The following ICAM5 variants were observed in gnomAD, a reference collection of about 807,000 sequenced individuals.
ICAM5 encodes ICAM-5.
A neutral mutation model predicts 78.8 loss-of-function variants in ICAM5; 38 were observed. The observed-to-expected ratio is 0.48, with a 90% CI of 0.37 to 0.63. The LOEUF is 0.63. Among genes scored for constraint, ICAM5 ranks in the 30% least tolerant of loss-of-function variants. The pLI, the probability that ICAM5 is intolerant of heterozygous loss-of-function variation, is 0.00. For synonymous variants in ICAM5, 544 were observed against 590.9 expected (o/e 0.92, Z 1.15); for missense variants, 1,059 against 1,303.0 (o/e 0.81, Z 2.88).
chr19:10,293,590 G>C lies in ICAM5; in HGVS notation c.1466-108G>C, dbSNP rs1010870731. 1.4e-5 allele frequency: 20 copies of C among 1,448,842 alleles called. No homozygotes were observed. Among genetic ancestry groups the C allele is most frequent in the Non-Finnish European group, 1.8e-5 (19 of 1,068,540 alleles). The allele number at this position is 1,448,842 out of a possible 1,614,324, so 89.7% of individuals were successfully genotyped here. The stretch of plus-strand genomic sequence containing the variant: ...ACACCTCCTTGGATCGGCGTCCAAG[G>C]GTTATGCAGGGACAACACTTCGTGG... On this transcript the variant is annotated intron_variant, in intron 6 of 10. Transcript: ENST00000221980. The surrounding 1 kb of genome is among the most constrained non-coding windows in gnomAD (Gnocchi z 5.0).
Position 10,294,468 on chromosome 19 carries a change from C to A in ICAM5, c.2058C>A (p.Ser686=), listed in dbSNP as rs758505262. ...CGTGGCTGGAAGGGGCTGAGGCTTC[C>A]GCGCTGGCCTGCGCCGCCCGGGGTC... ...HQTWLEGAEA[S]ALACAARGRP... is the part of the protein sequence containing the mutation. Residue 686 remains serine, a synonymous_variant, in exon 9 of 11, where the codon TCC becomes TCA. Coordinates refer to ENST00000221980, the MANE Select transcript of ICAM5 (RefSeq NM_003259.4). The surrounding 1 kb of genome is among the most constrained non-coding windows in gnomAD (Gnocchi z 7.7). 2 of 1,608,426 alleles carry A rather than the reference C, an allele frequency of 1.2e-6. No individual in the cohort carries two copies. The highest frequency in any genetic ancestry group is 1.7e-6 in the Non-Finnish European group (2 of 1,177,296).
chr19:10,294,742 G>A lies in ICAM5; in HGVS notation c.2230+102G>A. The stretch of plus-strand genomic sequence containing the variant: ...CACCTCTCCCAATCCCATTCTCGGG[G>A]ACAGGGAATTCCAGCCTAAACCAGG... On this transcript the variant is annotated intron_variant, in intron 9 of 10. Coordinates refer to ENST00000221980, the MANE Select transcript of ICAM5 (RefSeq NM_003259.4). The surrounding 1 kb of genome is among the most constrained non-coding windows in gnomAD (Gnocchi z 7.7). 1.3e-6 allele frequency: 2 copies of A among 1,544,858 alleles called. No individual in the cohort carries two copies. The highest frequency in any genetic ancestry group is 2.8e-5 in the African/African-American group (2 of 72,268).
rs2040188696 is a variant in ICAM5, at chr19:10,293,039, A to G, written c.1258A>G (p.Thr420Ala). 1 of 1,610,204 alleles carries G rather than the reference A, an allele frequency of 6.2e-7. No homozygotes were observed. Among genetic ancestry groups the G allele is most frequent in the Non-Finnish European group, 8.5e-7 (1 of 1,179,748 alleles). Residue 420 changes from threonine (T) to alanine (A), a missense_variant, in exon 6 of 11, where the codon ACG (threonine) becomes GCG (alanine). Thr to Ala is a moderately conservative substitution (Grantham distance 58). Around this residue, in one of 3 missense-constraint regions of ICAM5, gnomAD observed 815 missense variants for 952.8 expected, o/e 0.86. Transcript: ENST00000221980. This position sits in a 1 kb window ranked among gnomAD's most constrained non-coding sequence, Gnocchi z 5.0. ...CGATTCGGACTGCCCCAGGAGTTGG[A>G]CGTGGCCCGAGGGCCCAGAGCAGAC... ...LDDSDCPRSW[T>A]WPEGPEQTLR...
Position 10,296,751 on chromosome 19 carries a change from TC to T in ICAM5, c.*139del. 1 of 739,492 alleles carries T rather than the reference TC, an allele frequency of 1.4e-6. No individual in the cohort carries two copies. Among genetic ancestry groups the T allele is most frequent in the Non-Finnish European group, 1.8e-6 (1 of 562,592 alleles). 45.8% of individuals were successfully genotyped at this position (739,492 alleles called of 1,614,324 possible). ...GGGCGTCACCCCCATTTTCTACCCA[TC>T]CCCTCAATAAAGTTTTTATAAAGGA... On this transcript the variant is annotated 3_prime_UTR_variant, in exon 11 of 11. Coordinates refer to ENST00000221980, the MANE Select transcript of ICAM5 (RefSeq NM_003259.4).
At position 10,293,099 on chromosome 19, in the gene ICAM5, T is replaced by G. The variant is rs1253879552; in HGVS notation, c.1318T>G (p.Ser440Ala). The change falls in exon 6 of 11, where the codon TCA becomes GCA. Residue 440 changes from serine (S) to alanine (A), a missense_variant. Physicochemically the swap from Ser to Ala is moderately conservative, Grantham distance 99. Coordinates refer to ENST00000221980, the MANE Select transcript of ICAM5 (RefSeq NM_003259.4). The surrounding 1 kb of genome is among the most constrained non-coding windows in gnomAD (Gnocchi z 5.0). ...CGAGGCCCGCGGGAACCCAGAACCC[T>G]CAGTGCACTGTGCGCGCTCCGACGG... ...RCEARGNPEP[S>A]VHCARSDGGA... 6.2e-7 allele frequency: 1 copy of G among 1,610,452 alleles called. No homozygotes were observed. Among genetic ancestry groups the G allele is most frequent in the South Asian group, 1.1e-5 (1 of 90,952 alleles).
In ICAM5 at chr19:10,295,422, CCG is replaced by C; in HGVS notation, c.2312_2313del (p.Ala771GlyfsTer203). On this transcript the variant is annotated frameshift_variant, in exon 10 of 11. Transcript: ENST00000221980. LOFTEE classifies it high-confidence loss of function. ...CAGGAGGAAACTTCACGTTGACCTG[CCG>C]CGCGGAGGCCTGGCCTCCAGCCCAG... Reference protein sequence around the residue: ...RPGGNFTLTCRAEAWPPAQIS... With the variant: ...RPGGNFTLTCXAEAWPPAQIS... The C allele has an allele frequency of 6.2e-7, 1 of 1,607,864 alleles. No homozygotes were observed. The highest frequency in any genetic ancestry group is 8.5e-7 in the Non-Finnish European group (1 of 1,178,954).
intron 3 of ICAM5, 65 bp downstream of exon 3, chr19:10,291,874 G>A: frequency 6.5e-7 from 1 of 1,544,888 alleles, no homozygotes. Context: ...AGGTTTAGAG[G>A]TAGATACATC....
rs1292642120 is a variant in ICAM5, at chr19:10,292,071, G to A, written c.710G>A (p.Arg237Gln). Residue 237 changes from arginine (R) to glutamine (Q), a missense_variant, in exon 4 of 11, where the codon CGG (arginine) becomes CAG (glutamine). Physicochemically the swap from Arg to Gln is conservative, Grantham distance 43. Around this residue, in one of 3 missense-constraint regions of ICAM5, gnomAD observed 815 missense variants for 952.8 expected, o/e 0.86. Coordinates refer to ENST00000221980, the MANE Select transcript of ICAM5 (RefSeq NM_003259.4). ...GATGCCCCGCGCCTCGCTGCTCCCC[G>A]GCTCTTGGAAGTTGGCTCGGAAAGG... ...SPDAPRLAAP[R>Q]LLEVGSERPV... 2 of 1,612,706 alleles carry A rather than the reference G, an allele frequency of 1.2e-6. No individual in the cohort carries two copies. Among genetic ancestry groups the A allele is most frequent in the Middle Eastern group, 1.6e-4 (1 of 6,080 alleles).
rs933574259 is a variant in ICAM5, at chr19:10,292,117, C to T, written c.756C>T (p.Asp252=). 6.2e-7 allele frequency: 1 copy of T among 1,613,380 alleles called. No individual in the cohort carries two copies. The highest frequency in any genetic ancestry group is 8.5e-7 in the Non-Finnish European group (1 of 1,180,000). Residue 252 remains aspartate (D), a synonymous_variant, in exon 4 of 11, where the codon GAC becomes GAT. Transcript: ENST00000221980. The part of the protein sequence containing the change: ...GSERPVSCTL[D]GLFPASEARV... ...AAAGGCCCGTGAGCTGCACTCTGGA[C>T]GGACTGTTTCCAGCCTCAGAGGCCA... is the stretch of plus-strand genomic sequence containing the variant.
Position 10,290,063 on chromosome 19 carries a change from G to T in ICAM5, c.20G>T (p.Gly7Val). The change falls in exon 1 of 11, where the codon GGG becomes GTG. Residue 7 changes from glycine to valine, a missense_variant. Gly to Val is a moderately radical substitution (Grantham distance 109, BLOSUM62 -3). This residue lies in a region of ICAM5 where 815 missense variants were observed against 952.8 expected (regional missense o/e 0.86). Transcript: ENST00000221980. The surrounding 1 kb of genome is among the most constrained non-coding windows in gnomAD (Gnocchi z 5.7). MPGPSP[G>V]LRRALLGLWA... ...GCGGCGATGCCAGGGCCTTCGCCAG[G>T]GCTGCGCCGGGCGCTACTCGGCCTC... 6.5e-7 allele frequency: 1 copy of T among 1,542,606 alleles called. No homozygotes were observed. The highest frequency in any genetic ancestry group is 2.5e-5 in the East Asian group (1 of 40,640).
Position 10,292,807 on chromosome 19 carries a change from C to A in ICAM5, c.1157C>A (p.Thr386Asn). The change falls in exon 5 of 11, where the codon ACC becomes AAC. Residue 386 changes from threonine (T) to asparagine (N), a missense_variant. This residue lies in a region of ICAM5 where 815 missense variants were observed against 952.8 expected (regional missense o/e 0.86). Coordinates refer to ENST00000221980, the MANE Select transcript of ICAM5 (RefSeq NM_003259.4). ...AGACGCAGCTTCTTCTGCGACGCCA[C>A]CCTCGATGTGGACGGGGAGACCCTG... Reference protein sequence around the residue: ...DDRRSFFCDATLDVDGETLIK... With the variant: ...DDRRSFFCDANLDVDGETLIK... 1 of 1,613,544 alleles carries A rather than the reference C, an allele frequency of 6.2e-7. No homozygotes were observed. The highest frequency in any genetic ancestry group is 8.5e-7 in the Non-Finnish European group (1 of 1,179,990).
At position 10,296,774 on chromosome 19, in the gene ICAM5, A is replaced by C. The variant is rs2040224276; in HGVS notation, c.*158A>C. The C allele has an allele frequency of 3.7e-6, 2 of 538,800 alleles. No individual in the cohort carries two copies. The highest frequency in any genetic ancestry group is 5.2e-6 in the Non-Finnish European group (2 of 381,318). 33.4% of individuals were successfully genotyped at this position (538,800 alleles called of 1,614,324 possible). A position where few individuals can be genotyped will look rare whatever the true frequency, so the allele number is the denominator to read the frequency against. ...CATCCCCTCAATAAAGTTTTTATAA[A>C]GGAACTCCCTGTCTCCGCTTCTGTT... On this transcript the variant is annotated 3_prime_UTR_variant, in exon 11 of 11. Transcript: ENST00000221980.
Position 10,294,711 on chromosome 19 carries a change from C to T in ICAM5, c.2230+71C>T. The T allele has an allele frequency of 6.3e-7, 1 of 1,597,046 alleles. No homozygotes were observed. Among genetic ancestry groups the T allele is most frequent in the Non-Finnish European group, 8.5e-7 (1 of 1,172,692 alleles). On this transcript the variant is annotated intron_variant, in intron 9 of 10. Coordinates refer to ENST00000221980, the MANE Select transcript of ICAM5 (RefSeq NM_003259.4). This position sits in a 1 kb window ranked among gnomAD's most constrained non-coding sequence, Gnocchi z 7.7. Reference sequence around the variant, plus strand: ...AATGACTCGCAGCGGTGGGAGCATTCAAGGGCACCTCTCCCAATCCCATTC... The same window carrying T: ...AATGACTCGCAGCGGTGGGAGCATTTAAGGGCACCTCTCCCAATCCCATTC...
chr19:10,292,042 T>C lies in ICAM5; in HGVS notation c.681T>C (p.Ser227=). The C allele has an allele frequency of 1.9e-6, 3 of 1,611,652 alleles. No homozygotes were observed. Among genetic ancestry groups the C allele is most frequent in the Non-Finnish European group, 2.5e-6 (3 of 1,178,708 alleles). Reference sequence around the variant, plus strand: ...TGGTTCTTCGACCCCTAGCCCTGTCTCCGGATGCCCCGCGCCTCGCTGCTC... The same window carrying C: ...TGGTTCTTCGACCCCTAGCCCTGTCCCCGGATGCCCCGCGCCTCGCTGCTC... The part of the protein sequence containing the change: ...APRELRTFSL[S]PDAPRLAAPR... The change falls in exon 4 of 11, where the codon TCT becomes TCC. Residue 227 remains serine, a synonymous_variant. Transcript: ENST00000221980.
rs2040161187 is a variant in ICAM5 at position 10,290,350 on chromosome 19, C to T, written c.82+225C>T. On this transcript the variant is annotated intron_variant, in intron 1 of 10. Transcript: ENST00000221980. This position sits in a 1 kb window ranked among gnomAD's most constrained non-coding sequence, Gnocchi z 5.7. Reference sequence around the variant, plus strand: ...TACCCGCTTCGAGATCCTAGGTGTTCTTCCGCACCCAACCCTTCGCCCTGG... The same window carrying T: ...TACCCGCTTCGAGATCCTAGGTGTTTTTCCGCACCCAACCCTTCGCCCTGG... The T allele has an allele frequency of 2.1e-6, 1 of 485,036 alleles. No homozygotes were observed. The highest frequency in any genetic ancestry group is 3.6e-6 in the Non-Finnish European group (1 of 274,284). 30.0% of individuals were successfully genotyped at this position (485,036 alleles called of 1,614,324 possible).
Position 10,290,342 on chromosome 19 carries a change from T to C in ICAM5, c.82+217T>C, listed in dbSNP as rs1014644950. 6.1e-6 allele frequency: 3 copies of C among 488,456 alleles called. No homozygotes were observed. Among genetic ancestry groups the C allele is most frequent in the Non-Finnish European group, 1.1e-5 (3 of 276,684 alleles). The allele number at this position is 488,456 out of a possible 1,614,324, so 30.3% of individuals were successfully genotyped here. ...ATAGCCCCTACCCGCTTCGAGATCC[T>C]AGGTGTTCTTCCGCACCCAACCCTT... On this transcript the variant is annotated intron_variant, in intron 1 of 10. Transcript: ENST00000221980. The surrounding 1 kb of genome is among the most constrained non-coding windows in gnomAD (Gnocchi z 5.7).
In ICAM5 at chr19:10,291,199, G is replaced by T. The variant is rs757978671; in HGVS notation, c.210G>T (p.Ser70=). The change falls in exon 2 of 11, where the codon TCG becomes TCT. Residue 70 remains serine (S), a synonymous_variant. Coordinates refer to ENST00000221980, the MANE Select transcript of ICAM5 (RefSeq NM_003259.4). ...PRPERGGLET[S]LRRNGTQRGL... ...CGGAGCGCGGTGGCCTGGAGACCTC[G>T]CTGCGCCGAAACGGGACCCAGAGGG... 3 of 1,612,272 alleles carry T rather than the reference G, an allele frequency of 1.9e-6. No individual in the cohort carries two copies. Among genetic ancestry groups the T allele is most frequent in the South Asian group, 1.1e-5 (1 of 91,072 alleles).
chr19:10,293,276 A>C lies in ICAM5; in HGVS notation c.1465+30A>C, dbSNP rs763815969. 6.5e-7 allele frequency: 1 copy of C among 1,545,664 alleles called. No individual in the cohort carries two copies. Among genetic ancestry groups the C allele is most frequent in the South Asian group, 1.2e-5 (1 of 80,850 alleles). ...GTGGGGGTGCGCAGGGTGCATTTCT[A>C]TCTGGTTCAAGGTCTGGAGGGTGGC... On this transcript the variant is annotated intron_variant, in intron 6 of 10. Transcript: ENST00000221980. The surrounding 1 kb of genome is among the most constrained non-coding windows in gnomAD (Gnocchi z 5.0).
rs1381557985 is a variant in ICAM5, at chr19:10,296,471, G to A, written c.2630G>A (p.Ser877Asn). Residue 877 changes from serine to asparagine, a missense_variant, in exon 11 of 11, where the codon AGC (serine) becomes AAC (asparagine). Coordinates refer to ENST00000221980, the MANE Select transcript of ICAM5 (RefSeq NM_003259.4). ...GAGTACAACGTGCAGGAGGCCGAGA[G>A]CTCAGGCGAGGCCGTGTGTCTGAAC... ...KGEYNVQEAE[S>N]SGEAVCLNGA... is the part of the protein sequence containing the mutation. 7.7e-7 allele frequency: 1 copy of A among 1,303,214 alleles called. No homozygotes were observed. The allele number at this position is 1,303,214 out of a possible 1,614,324, so 80.7% of individuals were successfully genotyped here. A position where few individuals can be genotyped will look rare whatever the true frequency, so the allele number is the denominator to read the frequency against.
Sources: allele counts gnomAD v4.1 joint callset, GRCh38; gene constraint gnomAD v4.1.1; regional missense constraint gnomAD v4.1.1; non-coding constraint Gnocchi (gnomAD v3.1); transcripts MANE v1.5; gene names NCBI Gene and HGNC (gene_info 2026-07-23, HGNC 2026-07-21).